The following AMOTL1 variants were observed in gnomAD, a reference collection of about 807,000 sequenced individuals.
AMOTL1 encodes the protein angiomotin-like protein 1.
AMOTL1 carries 45 observed loss-of-function variants against 102.9 expected under a neutral mutation model. The observed-to-expected ratio is 0.44, with a 90% CI of 0.34 to 0.56. The LOEUF (loss-of-function observed/expected upper bound fraction) is 0.56. Ranked by LOEUF, AMOTL1 falls within the 20% of genes least tolerant of loss-of-function variation. The probability of loss-of-function intolerance (pLI) is 0.01; values close to 1 mark genes in which losing one functional copy is unlikely to be tolerated. For synonymous variants in AMOTL1, 481 were observed against 484.7 expected, an observed-to-expected ratio of 0.99 and a Z score of 0.10; for missense variants, 1,114 against 1,225.6, an observed-to-expected ratio of 0.91 and a Z score of 1.36.
intron 1 of AMOTL1, among the ~76,000 whole-genome samples, chr11:94,774,016 C>T (rs1046066241): frequency 6.6e-6 from 1 of 152,210 alleles, no homozygotes; most frequent in East Asian, 1.9e-4. Flanking sequence ...TAGTTCTTCC[C>T]TCATGGAGCT....
intron 1 of AMOTL1, among the ~76,000 whole-genome samples, chr11:94,719,759 G>T (rs1281916205): frequency 6.6e-6 from 1 of 151,984 alleles, no homozygotes; most frequent in East Asian, 1.9e-4. Context: ...AAATAAGTAC[G>T]CTTTTCTTTT....
At chr11:94,767,476 G>A (rs952313510), upstream of AMOTL1, among the ~76,000 whole-genome samples, 10 of 152,196 alleles carry the variant, frequency 6.6e-5, no homozygotes, top group Admixed American at 5.9e-4. Context: ...ACAGAGGCAG[G>A]GAGCACCAGA....
rs1405206172 is a variant in AMOTL1 at position 94,789,067 on chromosome 11, A to G, written c.50-5944A>G. Among the ~76,000 whole-genome samples the G allele has an allele frequency of 2.0e-5, 3 of 152,310 alleles. No homozygotes were observed. In the East Asian group the frequency reaches 5.8e-4, roughly 29 times the overall value. On this transcript the variant is annotated intron_variant, in intron 1 of 12. Transcript: ENST00000433060. Reference sequence around the variant, plus strand: ...AACTCCAAACCTCGGGTTTCAGGTAATGGTTGCTTGGGGGAAAAGAGAGTG... The same window carrying G: ...AACTCCAAACCTCGGGTTTCAGGTAGTGGTTGCTTGGGGGAAAAGAGAGTG...
At chr11:94,730,662 C>T (rs1950334346) in intron 2 of AMOTL1, among the ~76,000 whole-genome samples, 1 of 152,128 alleles carries the variant, frequency 6.6e-6, no homozygotes, top group African/African-American at 2.4e-5. Flanking sequence ...GGCTGGCTGG[C>T]TGTGTGGCTG....
rs1177643235 is a variant in AMOTL1, at chr11:94,873,474, T to C, written c.*2679T>C. 1 of 152,122 alleles carries C rather than the reference T, an allele frequency of 6.6e-6. No individual in the cohort carries two copies. The highest frequency in any genetic ancestry group is 2.4e-5 in the African/African-American group (1 of 41,404). The allele number at this position is 152,122 out of a possible 1,614,324, so 9.4% of individuals were successfully genotyped here. A position where few individuals can be genotyped will look rare whatever the true frequency, so the allele number is the denominator to read the frequency against. On this transcript the variant is annotated 3_prime_UTR_variant, in exon 13 of 13. Coordinates refer to ENST00000433060, the MANE Select transcript of AMOTL1 (RefSeq NM_130847.3). ...TATCTTAAACAGATTTTCAGAAAAA[T>C]AATGCAACTATATTTTCTAGTGTCA...
intron 9 of AMOTL1, among the ~76,000 whole-genome samples, chr11:94,861,220 G>T (rs1368842766): frequency 6.6e-6 from 1 of 152,210 alleles, no homozygotes; most frequent in Non-Finnish European, 1.5e-5. Context: ...CGGGGTCCTG[G>T]GTTGAGAGTT....
rs182471284 is a variant in AMOTL1 at position 94,864,177 on chromosome 11, C to T, written c.2136-558C>T. On this transcript the variant is annotated intron_variant, in intron 9 of 12. Transcript: ENST00000433060. ...GTATGGATGATAAACAGAAATAAAA[C>T]CTAAACTCTGATTGGAAAAGTGAGG... Among the ~76,000 whole-genome samples, 1,217 of 151,968 alleles carry T rather than the reference C, an allele frequency of 8.0e-3. 7 individuals are homozygous for T. The highest frequency in any genetic ancestry group is 0.012 in the Non-Finnish European group (797 of 67,980).
intron 6 of AMOTL1, among the ~76,000 whole-genome samples, chr11:94,846,015 T>G (rs1952403568): frequency 6.6e-6 from 1 of 152,224 alleles, no homozygotes; most frequent in Non-Finnish European, 1.5e-5. Flanking sequence ...GGCCTTCTTA[T>G]GAGGTGGTTT....
At chr11:94,825,031 G>T (rs1480854023) in intron 4 of AMOTL1, among the ~76,000 whole-genome samples, 1 of 152,176 alleles carries the variant, frequency 6.6e-6, no homozygotes, top group Non-Finnish European at 1.5e-5. Flanking sequence ...TGTTAATGTT[G>T]GAATGATGGT....
intron 3 of AMOTL1, among the ~76,000 whole-genome samples, chr11:94,749,939 T>C (rs1185681142): frequency 6.6e-6 from 1 of 152,198 alleles, no homozygotes; most frequent in Admixed American, 6.5e-5. Flanking sequence ...TTTGAACAAA[T>C]CTGTTCTAAG....
In AMOTL1 at chr11:94,799,189, G is replaced by C. The variant is rs1951420719; in HGVS notation, c.200-201G>C. The stretch of plus-strand genomic sequence containing the variant: ...ATGTTTAAGAGGAAGCAGAGGAGAG[G>C]GAGTGCAGAATAGTAGACTCGCTTT... On this transcript the variant is annotated intron_variant, in intron 2 of 12. Transcript: ENST00000433060. The surrounding 1 kb of genome is among the most constrained non-coding windows in gnomAD (Gnocchi z 4.5). Among the ~76,000 whole-genome samples, 1 of 152,016 alleles carries C rather than the reference G, an allele frequency of 6.6e-6. No individual in the cohort carries two copies. Among genetic ancestry groups the C allele is most frequent in the African/African-American group, 2.4e-5 (1 of 41,372 alleles).
At chr11:94,822,335 G>C (rs1288233771) in intron 4 of AMOTL1, among the ~76,000 whole-genome samples, 1 of 152,186 alleles carries the variant, frequency 6.6e-6, no homozygotes, top group African/African-American at 2.4e-5. Context: ...AGCTACTCAG[G>C]AGGATCACAT....
chr11:94,754,164 A>G (rs1950692229), intron 3 of AMOTL1, among the ~76,000 whole-genome samples: 1 of 152,204 alleles, frequency 6.6e-6, no homozygotes. Context: ...AATTTCAATT[A>G]TTGTTGTTAT....
At chr11:94,819,757 A>G (rs565306298) in intron 3 of AMOTL1, among the ~76,000 whole-genome samples, 1 of 152,334 alleles carries the variant, frequency 6.6e-6, no homozygotes, top group South Asian at 2.1e-4. Flanking sequence ...TGTCATGGGC[A>G]CATTCTTAAC....
chr11:94,812,388 C>T (rs1175474477), intron 3 of AMOTL1, among the ~76,000 whole-genome samples: 1 of 152,098 alleles, frequency 6.6e-6, no homozygotes, highest in African/African-American at 2.4e-5. Flanking sequence ...CAATCTGTTG[C>T]ATTATTTAGA....
chr11:94,739,611 A>G (rs957745621), intron 2 of AMOTL1, among the ~76,000 whole-genome samples: 1 of 152,158 alleles, frequency 6.6e-6, no homozygotes, highest in Non-Finnish European at 1.5e-5. Context: ...ACTTTGAGAC[A>G]ATAGAAGGCC....
At chr11:94,724,823 A>G (rs1005535883) in intron 1 of AMOTL1, among the ~76,000 whole-genome samples, 2 of 152,086 alleles carry the variant, frequency 1.3e-5, no homozygotes, top group Non-Finnish European at 2.9e-5. Context: ...TTACAGTGTA[A>G]GTTACCAGCA....
chr11:94,805,683 G>A (rs11020946), intron 3 of AMOTL1, among the ~76,000 whole-genome samples: 35,340 of 152,096 alleles, frequency 0.23, 4,762 homozygotes, highest in East Asian at 0.46. Context: ...ACTAGCTTCC[G>A]GGAAGTGGAG....
intron 1 of AMOTL1, among the ~76,000 whole-genome samples, chr11:94,773,775 C>A: frequency 6.6e-6 from 1 of 152,150 alleles, no homozygotes. Flanking sequence ...CCTTTTTGAA[C>A]AGTACATGGC....
Sources: gnomAD v4.1 joint callset for allele counts (sites outside exome capture counted in the v4.1 genomes callset) on GRCh38, gnomAD v4.1.1 for gene constraint, Gnocchi (gnomAD v3.1) non-coding constraint, MANE v1.5 for transcripts, NCBI Gene and HGNC (gene_info 2026-07-23, HGNC 2026-07-21) for gene names.